Variants in ATP6V1H observed in about 807,000 individuals in gnomAD.
The protein encoded by ATP6V1H is ATPase H+ transporting V1 subunit H.
In ATP6V1H, 39 loss-of-function variants were observed where a neutral mutation model predicts 71.7. The observed-to-expected ratio is 0.54, with a 90% confidence interval of 0.42 to 0.71. The LOEUF is 0.71. Ranked by LOEUF, ATP6V1H falls within the 30% of genes least tolerant of loss-of-function variation. The probability of loss-of-function intolerance (pLI) is 0.00; values close to 1 mark genes in which losing one functional copy is unlikely to be tolerated. For missense variants in ATP6V1H, 509 were observed against 594.9 expected, an observed-to-expected ratio of 0.86 and a Z score of 1.50; for synonymous variants, 192 against 199.3, an observed-to-expected ratio of 0.96 and a Z score of 0.31.
At chr8:53,761,286 G>A (rs967771251) in intron 11 of ATP6V1H, among the ~76,000 whole-genome samples, 6 of 151,070 alleles carry the variant, frequency 4.0e-5, no homozygotes, top group Non-Finnish European at 7.4e-5. Context: ...GCAGTGAGCC[G>A]AGATCGCGCC....
intron 9 of ATP6V1H, among the ~76,000 whole-genome samples, chr8:53,774,702 GA>G (rs976230753): frequency 2.7e-4 from 39 of 146,730 alleles, no homozygotes; most frequent in African/African-American, 3.0e-4. Context: ...GTCTAGATAT[GA>G]AAAAAAAAAG....
At chr8:53,779,466 T>C (rs1179069665) in intron 9 of ATP6V1H, among the ~76,000 whole-genome samples, 2 of 151,292 alleles carry the variant, frequency 1.3e-5, no homozygotes, top group East Asian at 3.9e-4. Flanking sequence ...TATTATTACA[T>C]GCTTGTCTCC....
chr8:53,784,139 G>T (rs569396525), intron 9 of ATP6V1H, among the ~76,000 whole-genome samples: 170 of 152,196 alleles, frequency 1.1e-3, no homozygotes, highest in African/African-American at 3.6e-3. Flanking sequence ...TTGACAGTGG[G>T]GTGTTAAAGT....
intron 9 of ATP6V1H, among the ~76,000 whole-genome samples, chr8:53,785,442 AT>A (rs906058991): frequency 7.9e-5 from 12 of 151,892 alleles, no homozygotes; most frequent in African/African-American, 1.7e-4. Context: ...CATTCGTCTA[AT>A]TTTTTTTCAA....
intron 9 of ATP6V1H, among the ~76,000 whole-genome samples, chr8:53,792,724 TC>T (rs1382047800): frequency 1.3e-5 from 2 of 152,170 alleles, no homozygotes; most frequent in African/African-American, 4.8e-5. Flanking sequence ...GGTTTCCTTA[TC>T]AATAAAAATA....
rs374772906 is a variant in ATP6V1H at position 53,716,533 on chromosome 8, T to C, written c.1392-509A>G. ...TGAAAATAAATCACCAAAAGTAGCA[T>C]TGGGAGTCCCCACACCATCAGGAGC... On this transcript the variant is annotated intron_variant, in intron 13 of 13. Transcript: ENST00000359530. 2.2e-4 allele frequency among the ~76,000 whole-genome samples: 33 copies of C among 152,320 alleles called. No homozygotes were observed. In the South Asian group the frequency reaches 2.5e-3, roughly 11 times the overall value.
At chr8:53,784,236 G>T (rs1193196433) in intron 9 of ATP6V1H, among the ~76,000 whole-genome samples, 2 of 152,160 alleles carry the variant, frequency 1.3e-5, no homozygotes, top group Non-Finnish European at 2.9e-5. Flanking sequence ...TGTATTGGGT[G>T]CATATATATT....
chr8:53,782,225 G>C (rs1309957330), intron 9 of ATP6V1H, among the ~76,000 whole-genome samples: 3 of 151,930 alleles, frequency 2.0e-5, no homozygotes, highest in Admixed American at 6.6e-5. Flanking sequence ...ACTGAGCAGT[G>C]GTTTGTAGTT....
chr8:53,782,708 T>C (rs1248389829), intron 9 of ATP6V1H, among the ~76,000 whole-genome samples: 2 of 152,244 alleles, frequency 1.3e-5, no homozygotes, highest in Non-Finnish European at 2.9e-5. Context: ...TATTTTGAGA[T>C]ACGTCCCATC....
rs146380497 is a variant in ATP6V1H, at chr8:53,801,832, C to T, written c.644G>A (p.Arg215His). Residue 215 changes from arginine (R) to histidine (H), a missense_variant, in exon 8 of 14, where the codon CGC (arginine) becomes CAC (histidine). Physicochemically the swap from Arg to His is conservative, Grantham distance 29. Around this residue, in one of 2 missense-constraint regions of ATP6V1H, gnomAD observed 297 missense variants for 303.3 expected, o/e 0.98. Transcript: ENST00000359530. The part of the protein sequence containing the change: ...LQLMLRVNEY[R>H]FAWVEADGVN... ...CCCATCTGCTTCCACCCAAGCAAAG[C>T]GGTACTCATTGACCCGGAGCATCAG... The T allele has an allele frequency of 6.8e-6, 11 of 1,613,986 alleles. No individual in the cohort carries two copies. Among genetic ancestry groups the T allele is most frequent in the South Asian group, 1.1e-5 (1 of 91,064 alleles).
intron 4 of ATP6V1H, among the ~76,000 whole-genome samples, chr8:53,829,059 C>T (rs768887673): frequency 5.3e-5 from 8 of 152,258 alleles, no homozygotes; most frequent in South Asian, 2.1e-4. Context: ...CTCCAGGGCC[C>T]GGCACTGGCC....
At chr8:53,757,347 A>G (rs1808106492) in intron 11 of ATP6V1H, among the ~76,000 whole-genome samples, 1 of 152,226 alleles carries the variant, frequency 6.6e-6, no homozygotes, top group East Asian at 1.9e-4. Context: ...GGGTGGGTGC[A>G]GCTACCCAAG....
chr8:53,749,262 T>C (rs1346521308), intron 12 of ATP6V1H, among the ~76,000 whole-genome samples: 4 of 152,262 alleles, frequency 2.6e-5, no homozygotes. Context: ...GAATCTCTTA[T>C]ATCAGTGAAT....
Position 53,728,853 on chromosome 8 carries a change from G to A in ATP6V1H, c.1392-12829C>T, listed in dbSNP as rs939176841. On this transcript the variant is annotated intron_variant, in intron 13 of 13. Coordinates refer to ENST00000359530, the MANE Select transcript of ATP6V1H (RefSeq NM_015941.4). ...TCTTTCCCCAACGGATGCAGAGCTCGGTCCTATCTAAGCATGCAACACACT... is the reference window on the plus strand; with the variant it reads ...TCTTTCCCCAACGGATGCAGAGCTCAGTCCTATCTAAGCATGCAACACACT... Among the ~76,000 whole-genome samples the A allele has an allele frequency of 5.3e-5, 8 of 152,088 alleles. No individual in the cohort carries two copies. The East Asian group carries it at 7.7e-4, about 15-fold the overall frequency.
At chr8:53,716,822 C>T (rs966019158) in intron 13 of ATP6V1H, among the ~76,000 whole-genome samples, 1 of 152,246 alleles carries the variant, frequency 6.6e-6, no homozygotes, top group African/African-American at 2.4e-5. Flanking sequence ...AATCTTGTCC[C>T]TATTTTCCTT....
At chr8:53,716,777 A>G (rs897513542) in intron 13 of ATP6V1H, among the ~76,000 whole-genome samples, 7 of 152,272 alleles carry the variant, frequency 4.6e-5, no homozygotes, top group Admixed American at 2.6e-4. Context: ...TCTAAAGTAC[A>G]TACAGACACC....
intron 9 of ATP6V1H, among the ~76,000 whole-genome samples, chr8:53,775,923 G>A (rs1403788445): frequency 2.6e-5 from 4 of 152,270 alleles, no homozygotes; most frequent in Non-Finnish European, 5.9e-5. Flanking sequence ...TTGGGCGGTC[G>A]ATGGGACTGG....
intron 12 of ATP6V1H, among the ~76,000 whole-genome samples, chr8:53,746,868 T>C (rs989651303): frequency 6.6e-6 from 1 of 152,216 alleles, no homozygotes; most frequent in Admixed American, 6.5e-5. Flanking sequence ...TAGAGTCAAG[T>C]ACTTCATTTA....
chr8:53,800,743 C>G (rs1348251452), intron 8 of ATP6V1H, among the ~76,000 whole-genome samples: 1 of 152,140 alleles, frequency 6.6e-6, no homozygotes, highest in Non-Finnish European at 1.5e-5. Context: ...TCAAAATGTA[C>G]TTTTTACAAA....
Sources: gnomAD v4.1 joint callset for allele counts (sites outside exome capture counted in the v4.1 genomes callset) on GRCh38, gnomAD v4.1.1 for gene constraint, gnomAD v4.1.1 regional missense constraint, MANE v1.5 for transcripts, NCBI Gene and HGNC (gene_info 2026-07-23, HGNC 2026-07-21) for gene names.